The following CRIM1 variants were observed in gnomAD, a reference collection of about 807,000 sequenced individuals.
The protein encoded by CRIM1 is cysteine rich transmembrane BMP regulator 1, also known as cysteine-rich motor neuron 1 protein.
Under a neutral mutation model 116.4 loss-of-function variants are expected in CRIM1, and 32 were observed. The ratio of observed to expected loss-of-function variants is 0.27; its 90% CI spans 0.21 to 0.37. The LOEUF (loss-of-function observed/expected upper bound fraction) is 0.37. Among genes scored for constraint, CRIM1 ranks in the 10% least tolerant of loss-of-function variants. The probability of loss-of-function intolerance (pLI) is 1.00; values close to 1 mark genes in which losing one functional copy is unlikely to be tolerated. For synonymous variants in CRIM1, 590 were observed against 509.2 expected, an observed-to-expected ratio of 1.16 and a Z score of -2.13; for missense variants, 1,331 against 1,354.8, an observed-to-expected ratio of 0.98 and a Z score of 0.28.
chr2:36,501,768 C>T (rs1041137141), intron 8 of CRIM1, among the ~76,000 whole-genome samples: 1 of 129,700 alleles, frequency 7.7e-6, no homozygotes, highest in African/African-American at 3.5e-5. Context: ...CTTGTAGTTA[C>T]TACCATCTTT....
intron 4 of CRIM1, among the ~76,000 whole-genome samples, chr2:36,456,322 A>G (rs1184412631): frequency 1.3e-5 from 2 of 152,194 alleles, no homozygotes; most frequent in African/African-American, 4.8e-5. Flanking sequence ...CTACAAAATC[A>G]TTACGTGTTC....
chr2:36,473,083 C>G (rs540374552), intron 5 of CRIM1, among the ~76,000 whole-genome samples: 117 of 152,244 alleles, frequency 7.7e-4, no homozygotes, highest in African/African-American at 2.6e-3. Flanking sequence ...TCTTCATTAT[C>G]GAAAAAACTG....
chr2:36,361,359 G>T (rs1454382341), intron 1 of CRIM1, among the ~76,000 whole-genome samples: 7 of 152,166 alleles, frequency 4.6e-5, no homozygotes, highest in Non-Finnish European at 1.0e-4. Flanking sequence ...ATCTGTGTAG[G>T]CATTACATCC....
intron 7 of CRIM1, among the ~76,000 whole-genome samples, chr2:36,495,735 A>C (rs533907023): frequency 6.6e-6 from 1 of 152,204 alleles, no homozygotes; most frequent in Admixed American, 6.6e-5. Context: ...CAGTTGTCTC[A>C]TGGCACTTGT....
At chr2:36,533,103 G>A (rs1666224348) in intron 13 of CRIM1, among the ~76,000 whole-genome samples, 1 of 152,082 alleles carries the variant, frequency 6.6e-6, no homozygotes, top group Non-Finnish European at 1.5e-5. Context: ...TTTATATGTA[G>A]TCTCAATTAG....
chr2:36,544,833 C>T (rs1253060974), intron 15 of CRIM1, among the ~76,000 whole-genome samples: 1 of 152,168 alleles, frequency 6.6e-6, no homozygotes, highest in African/African-American at 2.4e-5. Flanking sequence ...TATATATAAA[C>T]TTTGTAAGGA....
intron 2 of CRIM1, among the ~76,000 whole-genome samples, chr2:36,435,655 C>A (rs939564719): frequency 6.6e-6 from 1 of 150,736 alleles, no homozygotes; most frequent in Non-Finnish European, 1.5e-5. Context: ...GCAAAAACAG[C>A]GATTGCTTTT....
chr2:36,388,324 A>G (rs1671325457), intron 1 of CRIM1, among the ~76,000 whole-genome samples: 2 of 152,152 alleles, frequency 1.3e-5, no homozygotes, highest in African/African-American at 4.8e-5. Flanking sequence ...GCCTTACTCT[A>G]CATAGTGACT....
intron 1 of CRIM1, among the ~76,000 whole-genome samples, chr2:36,390,866 G>A (rs34582671): frequency 0.21 from 31,401 of 151,834 alleles, 3,750 homozygotes; most frequent in South Asian, 0.32. Context: ...CTCAAGTGCA[G>A]TGGTGCGATT....
intron 9 of CRIM1, 69 bp downstream of exon 9, chr2:36,510,208 T>C: frequency 6.9e-7 from 1 of 1,453,916 alleles, no homozygotes; most frequent in East Asian, 2.3e-5. Flanking sequence ...ACACATTTTG[T>C]TTTATATGTT....
intron 15 of CRIM1, among the ~76,000 whole-genome samples, chr2:36,545,765 C>G (rs979263534): frequency 6.6e-6 from 1 of 152,052 alleles, no homozygotes; most frequent in African/African-American, 2.4e-5. Context: ...TAATTTATAT[C>G]TTATTCTTCT....
At chr2:36,487,290 A>G (rs1258976058) in intron 7 of CRIM1, among the ~76,000 whole-genome samples, 4 of 152,178 alleles carry the variant, frequency 2.6e-5, no homozygotes, top group South Asian at 2.1e-4. Flanking sequence ...CACCAACACA[A>G]GGTCCCGCCA....
At chr2:36,416,810 TC>T (rs1472411535) in intron 2 of CRIM1, among the ~76,000 whole-genome samples, 2 of 152,228 alleles carry the variant, frequency 1.3e-5, no homozygotes, top group Admixed American at 1.3e-4. Context: ...CTCCAATTCT[TC>T]CTCCCATGAG....
At chr2:36,499,772 A>G (rs145243492) in intron 8 of CRIM1, among the ~76,000 whole-genome samples, 1 of 152,266 alleles carries the variant, frequency 6.6e-6, no homozygotes, top group Non-Finnish European at 1.5e-5. Context: ...GCAGATTCCA[A>G]TCATGTATCC....
chr2:36,533,702 C>G (rs1463732099), intron 13 of CRIM1, among the ~76,000 whole-genome samples: 1 of 152,192 alleles, frequency 6.6e-6, no homozygotes, highest in Non-Finnish European at 1.5e-5. Context: ...ACAGTGATCT[C>G]ATACAGTTAC....
intron 11 of CRIM1, among the ~76,000 whole-genome samples, chr2:36,515,199 C>T (rs1664958328): frequency 6.6e-6 from 1 of 152,168 alleles, no homozygotes; most frequent in Admixed American, 6.5e-5. Context: ...CTAAACATGT[C>T]CTCAATGAAG....
chr2:36,426,174 G>C (rs1453443632), intron 2 of CRIM1, among the ~76,000 whole-genome samples: 1 of 151,760 alleles, frequency 6.6e-6, no homozygotes, highest in Non-Finnish European at 1.5e-5. Context: ...GCAATAGATT[G>C]AATCTCTGAA....
chr2:36,445,283 C>T (rs1200628079), intron 4 of CRIM1, among the ~76,000 whole-genome samples: 1 of 152,140 alleles, frequency 6.6e-6, no homozygotes, highest in Non-Finnish European at 1.5e-5. Context: ...CTTTATGGTG[C>T]GGTACTCCTC....
chr2:36,396,106 C>CA (rs1161760255), intron 1 of CRIM1, among the ~76,000 whole-genome samples: 1 of 152,048 alleles, frequency 6.6e-6, no homozygotes, highest in Non-Finnish European at 1.5e-5. Flanking sequence ...GACTGGGTCT[C>CA]ACTGTGTTGC....
Sources: gnomAD v4.1 joint callset for allele counts (sites outside exome capture counted in the v4.1 genomes callset) on GRCh38, gnomAD v4.1.1 for gene constraint, MANE v1.5 for transcripts, NCBI Gene and HGNC (gene_info 2026-07-23, HGNC 2026-07-21) for gene names.